SCUBE2: variants seen among roughly 807,000 people sequenced by gnomAD.
SCUBE2 encodes signal peptide, CUB domain and EGF like domain containing 2.
In SCUBE2, 114 loss-of-function variants were observed where a neutral mutation model predicts 125.9. The observed-to-expected ratio is 0.91, with a 90% CI of 0.78 to 1.06. The LOEUF (loss-of-function observed/expected upper bound fraction) is 1.06, where lower values mean the gene tolerates loss of function less well. Among genes scored for constraint, SCUBE2 ranks in the 50% least tolerant of loss-of-function variants. The pLI is 0.00. For synonymous variants in SCUBE2, 459 were observed against 492.9 expected, an observed-to-expected ratio of 0.93 and a Z score of 0.91; for missense variants, 1,255 against 1,301.8, an observed-to-expected ratio of 0.96 and a Z score of 0.55.
chr11:9,048,735 G>A (rs1393107915), intron 14 of SCUBE2, among the ~76,000 whole-genome samples: 2 of 152,134 alleles, frequency 1.3e-5, no homozygotes, highest in East Asian at 3.8e-4. Context: ...TTCCTGACTT[G>A]GCTGTCTCCC....
chr11:9,033,171 A>C (rs1242351342), intron 17 of SCUBE2, among the ~76,000 whole-genome samples: 2 of 152,250 alleles, frequency 1.3e-5, no homozygotes, highest in African/African-American at 4.8e-5. Context: ...AGAGATAATG[A>C]AAAGCTCTTC....
At chr11:9,080,547 A>G (rs1485937419) in intron 2 of SCUBE2, among the ~76,000 whole-genome samples, 1 of 151,848 alleles carries the variant, frequency 6.6e-6, no homozygotes, top group African/African-American at 2.4e-5. Context: ...GCTGCTTGGG[A>G]GGCTGAGGCA....
At chr11:9,059,496 C>A in intron 8 of SCUBE2, 71 bp from the exon 9 acceptor site, 1 of 1,540,144 alleles carries the variant, frequency 6.5e-7, no homozygotes, top group Non-Finnish European at 8.9e-7. Flanking sequence ...CCTGAAGGGC[C>A]ATTGTGTGTG....
chr11:9,075,216 A>AT (rs1425107069), intron 3 of SCUBE2, among the ~76,000 whole-genome samples: 89 of 152,208 alleles, frequency 5.8e-4, no homozygotes, highest in African/African-American at 2.1e-3. Context: ...AAAAAAAAAA[A>AT]AAAAAAAAAA....
Position 9,048,092 on chromosome 11 carries a change from T to C in SCUBE2, c.1646A>G (p.His549Arg). 6.2e-7 allele frequency: 1 copy of C among 1,609,122 alleles called. No homozygotes were observed. The highest frequency in any genetic ancestry group is 8.5e-7 in the Non-Finnish European group (1 of 1,178,204). ...GCGGAAGCTCTCTTTTACTGAGCTG[T>C]GCTTCTCTGTATGAAGAAACAAAAT... ...EGLRPALPEK[H>R]SSVKESFRYV... The change falls in exon 15 of 23, where the codon CAC (histidine) becomes CGC (arginine). Residue 549 changes from histidine to arginine, a missense_variant. This residue lies in a region of SCUBE2 where 378 missense variants were observed against 463.1 expected (regional missense o/e 0.82). Transcript: ENST00000649792.
intron 7 of SCUBE2, among the ~76,000 whole-genome samples, 180 bp from the exon 8 acceptor site, chr11:9,060,704 T>C (rs920040440): frequency 1.3e-5 from 2 of 152,170 alleles, no homozygotes; most frequent in African/African-American, 4.8e-5. Flanking sequence ...AAATGAGTTC[T>C]AGTTTCTGAG....
In SCUBE2 at chr11:9,029,807, G is replaced by C. The variant is rs765961193; in HGVS notation, c.2503+77C>G. 545 of 1,524,390 alleles carry C rather than the reference G, an allele frequency of 3.6e-4. 1 individual carries two copies. The highest frequency in any genetic ancestry group is 4.8e-4 in the Non-Finnish European group (533 of 1,105,072). The allele number at this position is 1,524,390 out of a possible 1,614,324, so 94.4% of individuals were successfully genotyped here. A position where few individuals can be genotyped will look rare whatever the true frequency, so the allele number is the denominator to read the frequency against. On this transcript the variant is annotated intron_variant, in intron 19 of 22. Coordinates refer to ENST00000649792, the MANE Select transcript of SCUBE2 (RefSeq NM_001367977.2). ...TGAGTGAACCTGGGACCTCTGCCCCGTGCCCCCTGCTCTGAGGTGGACCCA... is the reference window on the plus strand; with the variant it reads ...TGAGTGAACCTGGGACCTCTGCCCCCTGCCCCCTGCTCTGAGGTGGACCCA...
intron 21 of SCUBE2, among the ~76,000 whole-genome samples, chr11:9,023,244 G>C (rs1589982317): frequency 1.3e-5 from 2 of 152,314 alleles, no homozygotes; most frequent in African/African-American, 2.4e-5. Flanking sequence ...AATTGTGTGA[G>C]AGGAACTCTT....
At chr11:9,063,123 G>A (rs1012765023) in intron 7 of SCUBE2, among the ~76,000 whole-genome samples, 1 of 152,052 alleles carries the variant, frequency 6.6e-6, no homozygotes, top group African/African-American at 2.4e-5. Flanking sequence ...GCATGTGCCT[G>A]TAGTCTCAGC....
chr11:9,059,459 C>T, intron 8 of SCUBE2, 34 bp from the exon 9 acceptor site: 1 of 1,592,122 alleles, frequency 6.3e-7, no homozygotes, highest in South Asian at 1.1e-5. Context: ...TATCAGAGAG[C>T]AATACTTGCC....
chr11:9,030,028 G>A lies in SCUBE2; in HGVS notation c.2359C>T (p.His787Tyr). The stretch of plus-strand genomic sequence containing the variant: ...CGGTGAGTGGTGGTGTTGTAGAAAT[G>A]TCCAGGTGAACATTGAACTGTGGGT... ...CETRVQCSPG[H>Y]FYNTTTHRCI... The change falls in exon 19 of 23, where the codon CAT becomes TAT. Residue 787 changes from histidine to tyrosine, a missense_variant. Physicochemically the swap from His to Tyr is moderately conservative, Grantham distance 83 (BLOSUM62 2). Around this residue, in one of 3 missense-constraint regions of SCUBE2, gnomAD observed 515 missense variants for 515.7 expected, o/e 1.00. Transcript: ENST00000649792. 3 of 1,614,180 alleles carry A rather than the reference G, an allele frequency of 1.9e-6. No homozygotes were observed. The highest frequency in any genetic ancestry group is 3.3e-4 in the Middle Eastern group (2 of 6,062).
In SCUBE2 at chr11:9,030,921, C is replaced by T. The variant is rs546015058; in HGVS notation, c.2178G>A (p.Leu726=). The T allele has an allele frequency of 6.2e-7, 1 of 1,613,362 alleles. No individual in the cohort carries two copies. Among genetic ancestry groups the T allele is most frequent in the Admixed American group, 1.7e-5 (1 of 59,938 alleles). Residue 726 remains leucine (L), a synonymous_variant, in exon 18 of 23, where the codon CTG becomes CTA. Coordinates refer to ENST00000649792, the MANE Select transcript of SCUBE2 (RefSeq NM_001367977.2). ...CTGCAGAATATTCACCAGGTTGACACAGACCTGGAAGGACCAATAGCCTTA... is the reference window on the plus strand; with the variant it reads ...CTGCAGAATATTCACCAGGTTGACATAGACCTGGAAGGACCAATAGCCTTA... ...EAWNMSECGG[L]CQPGEYSADG...
At chr11:9,037,044 T>C (rs1366396545) in intron 16 of SCUBE2, among the ~76,000 whole-genome samples, 5 of 152,240 alleles carry the variant, frequency 3.3e-5, no homozygotes, top group African/African-American at 1.2e-4. Flanking sequence ...CAAATATATT[T>C]GATTCTTTCA....
At chr11:9,066,906 A>G in intron 5 of SCUBE2, 93 bp from the exon 6 acceptor site, 3 of 1,080,346 alleles carry the variant, frequency 2.8e-6, no homozygotes, top group Non-Finnish European at 1.4e-6. Flanking sequence ...TTCATTCTGC[A>G]AGTATTTGAG....
chr11:9,044,530 C>A (rs1857517770), intron 16 of SCUBE2, among the ~76,000 whole-genome samples: 1 of 152,170 alleles, frequency 6.6e-6, no homozygotes, highest in African/African-American at 2.4e-5. Context: ...CTGCACCCAG[C>A]CTATTTTTTT....
chr11:9,027,072 G>A, intron 20 of SCUBE2: 1 of 432,438 alleles, frequency 2.3e-6, no homozygotes, highest in Non-Finnish European at 4.3e-6. Flanking sequence ...GGCCAACACT[G>A]CATGATCCTC....
chr11:9,020,912 T>A lies in SCUBE2; in HGVS notation c.*133A>T. 6.8e-6 allele frequency: 5 copies of A among 732,040 alleles called. No individual in the cohort carries two copies. The highest frequency in any genetic ancestry group is 1.1e-5 in the Non-Finnish European group (5 of 471,416). The allele number at this position is 732,040 out of a possible 1,614,324, so 45.3% of individuals were successfully genotyped here. On this transcript the variant is annotated 3_prime_UTR_variant, in exon 23 of 23. Coordinates refer to ENST00000649792, the MANE Select transcript of SCUBE2 (RefSeq NM_001367977.2). Reference sequence around the variant, plus strand: ...TTTACCAAAATATCTGTATTATCTATAAAAATTGAACTCTAATGAGTCACT... The same window carrying A: ...TTTACCAAAATATCTGTATTATCTAAAAAAATTGAACTCTAATGAGTCACT...
chr11:9,079,066 GAA>G (rs34108362), intron 3 of SCUBE2, among the ~76,000 whole-genome samples: 2 of 150,908 alleles, frequency 1.3e-5, no homozygotes, highest in African/African-American at 2.4e-5. Flanking sequence ...TTACAGCATT[GAA>G]AAAAAAAATG....
chr11:9,033,219 T>C (rs748131906), intron 17 of SCUBE2, among the ~76,000 whole-genome samples: 2 of 152,200 alleles, frequency 1.3e-5, no homozygotes, highest in Non-Finnish European at 2.9e-5. Context: ...TAAACGGATA[T>C]ATTTGTTTTA....
Sources: gnomAD v4.1 joint callset for allele counts (sites outside exome capture counted in the v4.1 genomes callset) on GRCh38, gnomAD v4.1.1 for gene constraint, gnomAD v4.1.1 regional missense constraint, MANE v1.5 for transcripts, NCBI Gene and HGNC (gene_info 2026-07-23, HGNC 2026-07-21) for gene names.